The following FGGY variants were observed in gnomAD, a reference collection of about 807,000 sequenced individuals.
FGGY encodes the protein FGGY carbohydrate kinase domain-containing protein.
A neutral mutation model predicts 71.3 loss-of-function variants in FGGY; 72 were observed. That is an observed-to-expected ratio of 1.01 (90% CI 0.84 to 1.23). The LOEUF (loss-of-function observed/expected upper bound fraction) is 1.23, where lower values mean the gene tolerates loss of function less well. Ranked by LOEUF, FGGY falls within the 50% of genes most tolerant of loss-of-function variation. FGGY has a pLI of 0.00. For missense variants in FGGY, 668 were observed against 682.3 expected (o/e 0.98, Z 0.23); for synonymous variants, 251 against 250.3 (o/e 1.00, Z -0.02).
chr1:59,587,286 G>T (rs1424852476), intron 8 of FGGY, among the ~76,000 whole-genome samples: 3 of 152,080 alleles, frequency 2.0e-5, no homozygotes, highest in African/African-American at 2.4e-5. Context: ...AAGCAAAGCA[G>T]CCTGGAAGCT....
intron 8 of FGGY, among the ~76,000 whole-genome samples, chr1:59,556,097 AG>A (rs1268865382): frequency 5.9e-5 from 9 of 152,218 alleles, no homozygotes; most frequent in Admixed American, 3.9e-4. Context: ...CAGAGGCCTG[AG>A]GCCTCTTTAA....
chr1:59,760,591 A>G (rs1341922594), intron 15 of FGGY, among the ~76,000 whole-genome samples: 1 of 152,252 alleles, frequency 6.6e-6, no homozygotes, highest in Admixed American at 6.5e-5. Context: ...TGATATGTGC[A>G]TACAATGGAG....
intron 6 of FGGY, among the ~76,000 whole-genome samples, chr1:59,460,309 A>G (rs569732364): frequency 2.0e-5 from 3 of 152,306 alleles, no homozygotes; most frequent in Non-Finnish European, 4.4e-5. Flanking sequence ...CTAGCACAGC[A>G]GTCCGAGATC....
intron 10 of FGGY, chr1:59,626,919 G>A (rs1276237196): frequency 6.6e-6 from 1 of 152,158 alleles, no homozygotes; most frequent in Non-Finnish European, 1.5e-5. Flanking sequence ...CCTACAGGGG[G>A]TGGGTAGGAA....
chr1:59,650,691 CA>C (rs1339258563), intron 11 of FGGY, among the ~76,000 whole-genome samples: 1 of 124,846 alleles, frequency 8.0e-6, no homozygotes, highest in Non-Finnish European at 1.6e-5. Flanking sequence ...TTGATCTTTT[CA>C]AAAAACCAGC....
intron 14 of FGGY, among the ~76,000 whole-genome samples, chr1:59,749,982 G>A (rs1029561053): frequency 6.6e-6 from 1 of 152,198 alleles, no homozygotes; most frequent in Non-Finnish European, 1.5e-5. Flanking sequence ...ACTGCTATAA[G>A]GGGAACCAAA....
At chr1:59,741,764 A>T (rs1245298421) in intron 14 of FGGY, among the ~76,000 whole-genome samples, 1 of 151,992 alleles carries the variant, frequency 6.6e-6, no homozygotes, top group African/African-American at 2.4e-5. Context: ...GTGAAACCCC[A>T]TCTCTACTAA....
At chr1:59,596,432 T>C (rs906628303) in intron 8 of FGGY, among the ~76,000 whole-genome samples, 1 of 151,300 alleles carries the variant, frequency 6.6e-6, no homozygotes, top group Non-Finnish European at 1.5e-5. Flanking sequence ...TTTCCTTGCT[T>C]CTCCTTATTT....
intron 11 of FGGY, among the ~76,000 whole-genome samples, chr1:59,659,318 G>A (rs1454492164): frequency 1.3e-5 from 2 of 152,262 alleles, no homozygotes; most frequent in African/African-American, 2.4e-5. Flanking sequence ...ATTAAATGGG[G>A]CCAGAGAATA....
At chr1:59,461,969 C>A (rs1369710308) in intron 6 of FGGY, among the ~76,000 whole-genome samples, 2 of 151,572 alleles carry the variant, frequency 1.3e-5, no homozygotes, top group Non-Finnish European at 1.5e-5. Flanking sequence ...AATGCTATCC[C>A]TCCCTCCTCC....
At position 59,529,953 on chromosome 1, in the gene FGGY, C is replaced by A. The variant is rs2095095547; in HGVS notation, c.799+17514C>A. ...GCTCTTTCTATTTACATAGCTATTA[C>A]TAAATTAAATGTATAAAAGTATTTT... On this transcript the variant is annotated intron_variant, in intron 7 of 15. Transcript: ENST00000303721. 2.6e-5 allele frequency among the ~76,000 whole-genome samples: 4 copies of A among 152,288 alleles called. No homozygotes were observed. In the South Asian group the frequency reaches 8.3e-4, roughly 32 times the overall value.
chr1:59,702,429 C>T (rs2097717456), intron 14 of FGGY, among the ~76,000 whole-genome samples: 1 of 152,108 alleles, frequency 6.6e-6, no homozygotes, highest in Non-Finnish European at 1.5e-5. Context: ...AAAGGTTAGG[C>T]ATTCATCTTA....
Position 59,456,961 on chromosome 1 carries a change from G to A in FGGY, c.555G>A (p.Arg185=), listed in dbSNP as rs370588980. ...LSWKATGVTA[R]SLCSLVCKWT... is the part of the protein sequence containing the mutation. ...ATCTATATCTCTTCTATTTTCTTAG[G>A]TCTCTCTGCTCCCTGGTGTGTAAGT... Residue 185 remains arginine, a splice_region_variant and synonymous_variant, in exon 6 of 16, where the codon CGG becomes CGA. Coordinates refer to ENST00000303721, the MANE Select transcript of FGGY (RefSeq NM_018291.5). 5.6e-6 allele frequency: 9 copies of A among 1,609,602 alleles called. No homozygotes were observed. The highest frequency in any genetic ancestry group is 7.7e-6 in the Non-Finnish European group (9 of 1,176,148).
intron 5 of FGGY, among the ~76,000 whole-genome samples, chr1:59,425,869 G>T (rs565072506): frequency 3.9e-5 from 6 of 152,200 alleles, no homozygotes; most frequent in Admixed American, 3.9e-4. Context: ...GGTGGTATTG[G>T]AGCCAAATAA....
chr1:59,333,770 T>C (rs942465477), intron 2 of FGGY, among the ~76,000 whole-genome samples: 3 of 152,226 alleles, frequency 2.0e-5, no homozygotes, highest in Non-Finnish European at 4.4e-5. Context: ...CAAGTCTTTG[T>C]GACTCATTGT....
At position 59,722,384 on chromosome 1, in the gene FGGY, A is replaced by C. The variant is rs533729186; in HGVS notation, c.1513-35547A>C. ...TTTTACACTGTACTCTTTGGAAAGA[A>C]GTCACTAAACACATCTCAAACTTAA... On this transcript the variant is annotated intron_variant, in intron 14 of 15. Transcript: ENST00000303721. 3.1e-4 allele frequency among the ~76,000 whole-genome samples: 47 copies of C among 152,334 alleles called. 1 individual carries two copies. In the South Asian group the frequency reaches 8.1e-3, roughly 26 times the overall value.
intron 14 of FGGY, among the ~76,000 whole-genome samples, chr1:59,753,448 C>A (rs2098262761): frequency 1.7e-5 from 2 of 120,788 alleles, no homozygotes; most frequent in Admixed American, 9.4e-5. Flanking sequence ...TTTTGACTGT[C>A]TTTATAAGCA....
intron 7 of FGGY, among the ~76,000 whole-genome samples, chr1:59,513,544 T>C (rs1019017157): frequency 6.6e-6 from 1 of 152,256 alleles, no homozygotes; most frequent in African/African-American, 2.4e-5. Context: ...AACACTCAGG[T>C]GTATTTAGAA....
At chr1:59,601,364 A>G (rs1317535052) in intron 8 of FGGY, among the ~76,000 whole-genome samples, 1 of 152,160 alleles carries the variant, frequency 6.6e-6, no homozygotes, top group Non-Finnish European at 1.5e-5. Flanking sequence ...CTTTGTCACC[A>G]CAGGGAAACT....
Sources: gnomAD v4.1 joint callset for allele counts (sites outside exome capture counted in the v4.1 genomes callset) on GRCh38, gnomAD v4.1.1 for gene constraint, MANE v1.5 for transcripts, NCBI Gene and HGNC (gene_info 2026-07-23, HGNC 2026-07-21) for gene names.